The following SMOC1 variants were observed in gnomAD, a reference collection of about 807,000 sequenced individuals.
SMOC1 encodes the protein SPARC-related modular calcium-binding protein 1.
A neutral mutation model predicts 56.3 loss-of-function variants in SMOC1; 22 were observed. That is an observed-to-expected ratio of 0.39 (90% CI 0.28 to 0.56). The LOEUF is 0.56. Ranked by LOEUF, SMOC1 falls within the 20% of genes least tolerant of loss-of-function variation. The pLI is 0.61. For missense variants in SMOC1, 509 were observed against 565.4 expected (o/e 0.90, Z 1.01); for synonymous variants, 193 against 215.0 (o/e 0.90, Z 0.89).
At chr14:69,981,514 A>G (rs574118655) in intron 5 of SMOC1, among the ~76,000 whole-genome samples, 1 of 151,776 alleles carries the variant, frequency 6.6e-6, no homozygotes, top group Non-Finnish European at 1.5e-5. Flanking sequence ...CCTTAAAGAG[A>G]GACGTGTGTG....
At chr14:70,006,367 T>C (rs916118387) in intron 7 of SMOC1, among the ~76,000 whole-genome samples, 1 of 152,206 alleles carries the variant, frequency 6.6e-6, no homozygotes, top group Non-Finnish European at 1.5e-5. Flanking sequence ...TTGTTATTCA[T>C]TTTAGAGTTC....
intron 1 of SMOC1, among the ~76,000 whole-genome samples, chr14:69,929,007 G>A (rs1386703543): frequency 2.0e-5 from 3 of 152,202 alleles, no homozygotes; most frequent in Admixed American, 6.5e-5. Context: ...AAACTCTCTG[G>A]AGGGTCCTGA....
At chr14:69,896,677 T>C (rs1461915521) in intron 1 of SMOC1, among the ~76,000 whole-genome samples, 1 of 152,196 alleles carries the variant, frequency 6.6e-6, no homozygotes, top group Admixed American at 6.5e-5. Flanking sequence ...GTGCAATAAA[T>C]CAAATTCCTT....
intron 1 of SMOC1, among the ~76,000 whole-genome samples, chr14:69,897,471 CTATT>C (rs1444002526): frequency 6.6e-6 from 1 of 151,630 alleles, no homozygotes; most frequent in Non-Finnish European, 1.5e-5. Flanking sequence ...TTCTTTCTGC[CTATT>C]TTTCTCTTCA....
At position 70,020,336 on chromosome 14, in the gene SMOC1, C is replaced by T. The variant is rs139050663; in HGVS notation, c.1047-2867C>T. The stretch of plus-strand genomic sequence containing the variant: ...GCTGAAATTTTCTGCTATTAATGTA[C>T]TTGGAGTTTGGCCTGGCCAAAGTGT... On this transcript the variant is annotated intron_variant, in intron 10 of 11. Coordinates refer to ENST00000361956, the MANE Select transcript of SMOC1 (RefSeq NM_001034852.3). 4.0e-3 allele frequency among the ~76,000 whole-genome samples: 611 copies of T among 152,286 alleles called. 9 individuals carry two copies. The highest frequency in any genetic ancestry group is 3.6e-3 in the Non-Finnish European group (245 of 68,030).
Position 69,917,875 on chromosome 14 carries a change from C to G in SMOC1, c.100-34263C>G, listed in dbSNP as rs558705579. 8.5e-5 allele frequency among the ~76,000 whole-genome samples: 13 copies of G among 152,224 alleles called. No homozygotes were observed. In the South Asian group the frequency reaches 2.7e-3, roughly 32 times the overall value. ...ACACACCATTAATGAATGTTGGATGCTGAGTGAACACAGCAGCAGGCAGAA... is the reference window on the plus strand; with the variant it reads ...ACACACCATTAATGAATGTTGGATGGTGAGTGAACACAGCAGCAGGCAGAA... On this transcript the variant is annotated intron_variant, in intron 1 of 11. Transcript: ENST00000361956.
chr14:69,902,070 T>A (rs377322250), intron 1 of SMOC1, among the ~76,000 whole-genome samples: 1 of 152,142 alleles, frequency 6.6e-6, no homozygotes, highest in South Asian at 2.1e-4. Context: ...CCTCCTCTGG[T>A]TTAGGAATGG....
At chr14:69,899,479 T>G (rs1489964866) in intron 1 of SMOC1, among the ~76,000 whole-genome samples, 1 of 152,172 alleles carries the variant, frequency 6.6e-6, no homozygotes, top group Non-Finnish European at 1.5e-5. Context: ...TGTTCCTGCT[T>G]CCCTTATGCC....
chr14:69,880,436 T>C (rs1883606226), intron 1 of SMOC1, among the ~76,000 whole-genome samples: 1 of 152,182 alleles, frequency 6.6e-6, no homozygotes, highest in Admixed American at 6.5e-5. Context: ...GAATTACTCG[T>C]TGAACCTTGG....
At chr14:69,912,658 T>G (rs1318410275) in intron 1 of SMOC1, among the ~76,000 whole-genome samples, 1 of 152,138 alleles carries the variant, frequency 6.6e-6, no homozygotes, top group Non-Finnish European at 1.5e-5. Context: ...TCATCATCCT[T>G]CAGTTGTGGC....
At chr14:69,969,170 G>A (rs1883672334) in intron 3 of SMOC1, among the ~76,000 whole-genome samples, 1 of 152,116 alleles carries the variant, frequency 6.6e-6, no homozygotes, top group South Asian at 2.1e-4. Context: ...TTTTTCCCTT[G>A]ACCCCAAGCA....
chr14:69,954,905 G>A (rs1315767467), intron 3 of SMOC1, among the ~76,000 whole-genome samples: 1 of 152,184 alleles, frequency 6.6e-6, no homozygotes, highest in Non-Finnish European at 1.5e-5. Flanking sequence ...ACTGATTTGA[G>A]ACTAACTTTC....
At chr14:69,953,368 C>A in intron 2 of SMOC1, 52 bp from the exon 3 acceptor site, 1 of 1,551,730 alleles carries the variant, frequency 6.4e-7, no homozygotes, top group Non-Finnish European at 8.9e-7. Context: ...TGTCCCTCGG[C>A]CCCAGTGTCG....
At chr14:69,906,948 A>G (rs1270316695) in intron 1 of SMOC1, among the ~76,000 whole-genome samples, 1 of 152,240 alleles carries the variant, frequency 6.6e-6, no homozygotes, top group African/African-American at 2.4e-5. Context: ...TCTTTAAAAG[A>G]TGTTAGAGAG....
At chr14:69,943,204 C>T (rs935278833) in intron 1 of SMOC1, among the ~76,000 whole-genome samples, 8 of 152,166 alleles carry the variant, frequency 5.3e-5, no homozygotes, top group South Asian at 4.1e-4. Context: ...GCCCTTTAAT[C>T]GGGCATGCTG....
intron 11 of SMOC1, among the ~76,000 whole-genome samples, chr14:70,024,875 A>G (rs1024674679): frequency 5.3e-5 from 8 of 152,328 alleles, no homozygotes; most frequent in Admixed American, 4.6e-4. Context: ...AGGGTGGGAC[A>G]TGGATTGGAA....
At position 69,929,215 on chromosome 14, in the gene SMOC1, A is replaced by G. The variant is rs201802346; in HGVS notation, c.100-22923A>G. Among the ~76,000 whole-genome samples, 21 of 152,152 alleles carry G rather than the reference A, an allele frequency of 1.4e-4. 1 individual carries two copies. In the East Asian group the frequency reaches 2.1e-3, roughly 15 times the overall value. ...GAGGGAGGAGGCACCCCATTTGCTG[A>G]AGCCTTTCCCTTCCATTCCCTACTC... is the stretch of plus-strand genomic sequence containing the variant. On this transcript the variant is annotated intron_variant, in intron 1 of 11. Transcript: ENST00000361956.
chr14:70,004,171 G>A (rs1349483355), intron 7 of SMOC1, among the ~76,000 whole-genome samples: 1 of 152,190 alleles, frequency 6.6e-6, no homozygotes, highest in Non-Finnish European at 1.5e-5. Context: ...CATTCATCAA[G>A]GCATCTTCCC....
chr14:70,017,150 A>G (rs569077730), intron 10 of SMOC1, among the ~76,000 whole-genome samples: 2 of 152,328 alleles, frequency 1.3e-5, no homozygotes, highest in Admixed American at 6.5e-5. Flanking sequence ...CCCTGTCTCG[A>G]TAAGACCTCT....
Sources: allele counts gnomAD v4.1 joint callset (sites outside exome capture counted in the v4.1 genomes callset), GRCh38; gene constraint gnomAD v4.1.1; transcripts MANE v1.5; gene names NCBI Gene and HGNC (gene_info 2026-07-23, HGNC 2026-07-21).